Variants in PDZD9 observed in about 807,000 individuals in gnomAD.
PDZD9 encodes the protein PDZ domain containing 9, also known as PDZ domain-containing protein 9.
A neutral mutation model predicts 16.3 loss-of-function variants in PDZD9; 13 were observed. That is an observed-to-expected ratio of 0.80 (90% CI 0.52 to 1.27). PDZD9 has a LOEUF of 1.27. Ranked by LOEUF, PDZD9 falls within the 50% of genes most tolerant of loss-of-function variation. PDZD9 has a pLI of 0.00. For missense variants in PDZD9, 288 were observed against 310.9 expected (o/e 0.93, Z 0.55); for synonymous variants, 120 against 111.0 (o/e 1.08, Z -0.51).
At chr16:21,987,056 A>G (rs1045995878) in intron 3 of PDZD9, among the ~76,000 whole-genome samples, 4 of 152,200 alleles carry the variant, frequency 2.6e-5, no homozygotes, top group African/African-American at 9.7e-5. Flanking sequence ...GGATTTTGAC[A>G]TTTATCCAAA....
At position 21,984,510 on chromosome 16, in the gene PDZD9, T is replaced by C; in HGVS notation, c.552A>G (p.Arg184=). ...TCTTCTTCTTATATCCATGCCAGTC[T>C]CTGGAGATGGATATTGGTCTCCTTG... ...HPARRPISIS[R]DWHGYKKKNH... Residue 184 remains arginine, a synonymous_variant, in exon 4 of 4, where the codon AGA becomes AGG. Coordinates refer to ENST00000424898, the MANE Select transcript of PDZD9 (RefSeq NM_001363519.1). 1.2e-6 allele frequency: 2 copies of C among 1,608,364 alleles called. No homozygotes were observed. Among genetic ancestry groups the C allele is most frequent in the Non-Finnish European group, 1.7e-6 (2 of 1,175,116 alleles).
intron 2 of PDZD9, among the ~76,000 whole-genome samples, chr16:21,991,742 T>C (rs1285041287): frequency 6.6e-6 from 1 of 152,176 alleles, no homozygotes; most frequent in African/African-American, 2.4e-5. Flanking sequence ...AGAAATAGCA[T>C]GTTTCTACAA....
intron 2 of PDZD9, among the ~76,000 whole-genome samples, chr16:21,991,025 A>G (rs1899008611): frequency 2.6e-5 from 4 of 151,438 alleles, no homozygotes; most frequent in Admixed American, 2.6e-4. Flanking sequence ...TGCAGCAGCC[A>G]AGCCACTACT....
chr16:21,966,910 G>A, the PDZD9 span, among the ~76,000 whole-genome samples: 1 of 152,078 alleles, frequency 6.6e-6, no homozygotes, highest in Non-Finnish European at 1.5e-5. Flanking sequence ...CTTATAGAAT[G>A]GAACAGTATT....
At chr16:21,990,102 C>T (rs72784914) in intron 2 of PDZD9, among the ~76,000 whole-genome samples, 1 of 152,284 alleles carries the variant, frequency 6.6e-6, no homozygotes, top group Non-Finnish European at 1.5e-5. Context: ...CTCAGTATCC[C>T]AAATTCAGTG....
At chr16:21,968,670 G>T in the PDZD9 span, 1 of 1,609,150 alleles carries the variant, frequency 6.2e-7, no homozygotes, top group Non-Finnish European at 8.5e-7. Context: ...TGCAAGAATG[G>T]CTTTGATTGG....
At chr16:21,958,785 T>C in the PDZD9 span, among the ~76,000 whole-genome samples, 1 of 152,290 alleles carries the variant, frequency 6.6e-6, no homozygotes, top group South Asian at 2.1e-4. Context: ...TAAGTAACTG[T>C]CTGGGAGTAG....
chr16:21,988,929 T>A lies in PDZD9; in HGVS notation c.212-138A>T, dbSNP rs1407945342. 10 of 133,924 alleles carry A rather than the reference T, an allele frequency of 7.5e-5. No individual in the cohort carries two copies. The East Asian group carries it at 1.8e-3, about 24-fold the overall frequency. 8.3% of individuals were successfully genotyped at this position (133,924 alleles called of 1,614,324 possible). On this transcript the variant is annotated intron_variant, in intron 2 of 3. Transcript: ENST00000424898. ...TTTGAACCAAAACCAGGCTTCAGCC[T>A]TTTTTTTTTTTTTTTTTTTGAGATG...
At chr16:21,972,215 A>G in the PDZD9 span, 1 of 1,444,028 alleles carries the variant, frequency 6.9e-7, no homozygotes, top group Non-Finnish European at 9.4e-7. Context: ...ATGTAAGACA[A>G]ACACACAGAA....
At chr16:21,999,297 G>A in intron 1 of PDZD9, 1 of 222,500 alleles carries the variant, frequency 4.5e-6, no homozygotes, top group East Asian at 1.1e-4. Context: ...TGATCCTACT[G>A]CTGTTGAAAG....
At chr16:21,980,833 C>T (rs1180992623), downstream of PDZD9, 1 of 1,017,488 alleles carries the variant, frequency 9.8e-7, no homozygotes, top group Admixed American at 2.9e-5. Context: ...AATGTGGAGG[C>T]AGGAGGGCTC....
At chr16:21,984,743 C>T in intron 3 of PDZD9, 83 bp from the exon 4 acceptor site, 1 of 1,103,846 alleles carries the variant, frequency 9.1e-7, no homozygotes, top group Non-Finnish European at 1.2e-6. Context: ...TTATAACTTG[C>T]TTTGACTCAT....
At chr16:21,971,830 T>A in the PDZD9 span, 2 of 1,555,626 alleles carry the variant, frequency 1.3e-6, no homozygotes, top group Non-Finnish European at 1.8e-6. Flanking sequence ...AAAAGACTCG[T>A]GGGTTAATAC....
At chr16:21,983,298 G>A (rs1320226670), downstream of PDZD9, 1 of 761,678 alleles carries the variant, frequency 1.3e-6, no homozygotes, top group Non-Finnish European at 2.1e-6. Flanking sequence ...AGGCATAAAT[G>A]CAGGTAATTA....
At chr16:21,973,813 A>G in the PDZD9 span, 6 of 1,322,644 alleles carry the variant, frequency 4.5e-6, no homozygotes, top group Non-Finnish European at 6.4e-6. Context: ...TGAAGGTCCA[A>G]GTTTTTTCTA....
chr16:21,996,817 A>G (rs1208428271), intron 1 of PDZD9, among the ~76,000 whole-genome samples: 1 of 152,040 alleles, frequency 6.6e-6, no homozygotes, highest in Non-Finnish European at 1.5e-5. Context: ...AGCAAAACAG[A>G]TGTGTTGGGT....
At chr16:21,973,963 C>T in the PDZD9 span, 1 of 1,608,550 alleles carries the variant, frequency 6.2e-7, no homozygotes, top group Non-Finnish European at 8.5e-7. Context: ...TCCCAGGCCA[C>T]AGCTGCTGGA....
At chr16:21,962,506 C>G in the PDZD9 span, 1 of 1,614,096 alleles carries the variant, frequency 6.2e-7, no homozygotes, top group Non-Finnish European at 8.5e-7. Context: ...GGAATGCCTG[C>G]GGGGTGATGT....
chr16:21,981,991 C>A (rs1898741563), downstream of PDZD9, among the ~76,000 whole-genome samples: 1 of 151,532 alleles, frequency 6.6e-6, no homozygotes, highest in Non-Finnish European at 1.5e-5. Context: ...CAGGTGCCCA[C>A]CACCACGGCC....
Sources: gnomAD v4.1 joint callset for allele counts (sites outside exome capture counted in the v4.1 genomes callset) on GRCh38, gnomAD v4.1.1 for gene constraint, MANE v1.5 for transcripts, NCBI Gene and HGNC (gene_info 2026-07-23, HGNC 2026-07-21) for gene names.